DNAH6: variants seen among roughly 807,000 people sequenced by gnomAD.
DNAH6 encodes the protein axonemal beta dynein heavy chain 6.
DNAH6 carries 340 observed loss-of-function variants against 491.4 expected under a neutral mutation model. The ratio of observed to expected loss-of-function variants is 0.69; its 90% CI spans 0.63 to 0.76. DNAH6 has a LOEUF of 0.76. Among genes scored for constraint, DNAH6 ranks in the 30% least tolerant of loss-of-function variants. DNAH6 has a pLI of 0.00. For missense variants in DNAH6, 4,443 were observed against 4,972.2 expected, an observed-to-expected ratio of 0.89 and a Z score of 3.20; for synonymous variants, 1,603 against 1,686.1, an observed-to-expected ratio of 0.95 and a Z score of 1.21.
chr2:84,474,696 G>A, the DNAH6 span, among the ~76,000 whole-genome samples: 2 of 152,114 alleles, frequency 1.3e-5, no homozygotes, highest in South Asian at 2.1e-4. Flanking sequence ...GTGACCATCC[G>A]ACCCTTGACA....
intron 4 of DNAH6, among the ~76,000 whole-genome samples, chr2:84,542,798 G>A (rs538460539): frequency 3.7e-4 from 56 of 152,144 alleles, no homozygotes; most frequent in South Asian, 8.3e-4. Flanking sequence ...AAAACTTATC[G>A]TACATATATA....
intron 9 of DNAH6, among the ~76,000 whole-genome samples, chr2:84,550,982 AAGAT>A (rs1195065290): frequency 1.3e-5 from 2 of 152,188 alleles, no homozygotes; most frequent in African/African-American, 4.8e-5. Context: ...AGCTAAAAGA[AAGAT>A]CATATTATCT....
At chr2:84,588,595 T>G (rs1683790645) in intron 15 of DNAH6, among the ~76,000 whole-genome samples, 1 of 152,248 alleles carries the variant, frequency 6.6e-6, no homozygotes, top group South Asian at 2.1e-4. Flanking sequence ...ATATATTAGA[T>G]AATGTTTTAA....
At position 84,719,885 on chromosome 2, in the gene DNAH6, CACACACACACACAG is replaced by C. The variant is rs1055368321; in HGVS notation, c.9792+1515_9792+1528del. On this transcript the variant is annotated intron_variant, in intron 59 of 76. Transcript: ENST00000389394. ...TGTACCTCTAACACACACACACACA[CACACACACACACAG>C]ACACACACACACAAACACACACACC... Among the ~76,000 whole-genome samples, 9 of 140,956 alleles carry C rather than the reference CACACACACACACAG, an allele frequency of 6.4e-5. No homozygotes were observed. In the South Asian group the frequency reaches 1.8e-3, roughly 29 times the overall value. The allele number at this position is 140,956 out of a possible 152,430, so 92.5% of individuals were successfully genotyped here.
At chr2:84,683,619 C>T (rs1418314535) in intron 42 of DNAH6, among the ~76,000 whole-genome samples, 3 of 151,808 alleles carry the variant, frequency 2.0e-5, no homozygotes, top group Admixed American at 6.6e-5. Context: ...GACCGGGTTT[C>T]GCCATGTTGG....
intron 62 of DNAH6, among the ~76,000 whole-genome samples, chr2:84,733,930 C>G (rs952694502): frequency 4.9e-4 from 74 of 151,238 alleles, no homozygotes; most frequent in African/African-American, 1.7e-3. Flanking sequence ...ATGGACAAAT[C>G]AAAATTATAG....
At chr2:84,813,411 A>G (rs1329099211) in intron 74 of DNAH6, among the ~76,000 whole-genome samples, 3 of 152,162 alleles carry the variant, frequency 2.0e-5, no homozygotes, top group East Asian at 3.9e-4. Context: ...TCAGTTCCCC[A>G]TATGACCCAC....
At chr2:84,700,069 A>G (rs1407827549) in intron 48 of DNAH6, among the ~76,000 whole-genome samples, 4 of 152,198 alleles carry the variant, frequency 2.6e-5, no homozygotes, top group Non-Finnish European at 5.9e-5. Context: ...CCCCAAAGGA[A>G]AGCAGAGAGA....
intron 70 of DNAH6, among the ~76,000 whole-genome samples, chr2:84,802,293 G>A (rs1192389): frequency 3.3e-5 from 5 of 151,952 alleles, no homozygotes; most frequent in South Asian, 2.1e-4. Flanking sequence ...AAGACCCATC[G>A]TTCTGCTGTC....
intron 22 of DNAH6, among the ~76,000 whole-genome samples, chr2:84,612,083 G>C (rs1686400164): frequency 6.6e-6 from 1 of 151,990 alleles, no homozygotes; most frequent in African/African-American, 2.4e-5. Context: ...AGCTTAGTTT[G>C]TAGTTTCGGA....
the DNAH6 span, among the ~76,000 whole-genome samples, chr2:84,461,548 A>G: frequency 6.6e-6 from 1 of 152,246 alleles, no homozygotes; most frequent in Non-Finnish European, 1.5e-5. Flanking sequence ...CACTGGCTAC[A>G]TGACCTCTGG....
chr2:84,634,636 G>T lies in DNAH6; in HGVS notation c.4648G>T (p.Ala1550Ser). The change falls in exon 30 of 77, where the codon GCA (alanine) becomes TCA (serine). Residue 1550 changes from alanine to serine, a missense_variant. Physicochemically the swap from Ala to Ser is moderately conservative, Grantham distance 99. This residue lies in a region of DNAH6 where 2,977 missense variants were observed against 3,296.6 expected (regional missense o/e 0.90). Coordinates refer to ENST00000389394, the MANE Select transcript of DNAH6 (RefSeq NM_001370.2). Reference sequence around the variant, plus strand: ...CATTACCATTAGGAACGCCAAAGCGGCAAAGGTAAGGCACTGGGCAATCGA... The same window carrying T: ...CATTACCATTAGGAACGCCAAAGCGTCAAAGGTAAGGCACTGGGCAATCGA... ...QLITIRNAKA[A>S]KLSRFMFEGR... The T allele has an allele frequency of 2.6e-6, 4 of 1,533,960 alleles. No homozygotes were observed. The highest frequency in any genetic ancestry group is 3.5e-6 in the Non-Finnish European group (4 of 1,140,516).
At chr2:84,577,621 G>T (rs976885384) in intron 13 of DNAH6, among the ~76,000 whole-genome samples, 1 of 152,052 alleles carries the variant, frequency 6.6e-6, no homozygotes, top group African/African-American at 2.4e-5. Flanking sequence ...GGGACTGCAG[G>T]CCTCACACTG....
intron 46 of DNAH6, among the ~76,000 whole-genome samples, chr2:84,696,647 G>A (rs189403104): frequency 5.9e-4 from 90 of 152,008 alleles, no homozygotes; most frequent in Admixed American, 3.0e-3. Context: ...AGTTCATTAA[G>A]AAAAACAAAA....
At chr2:84,810,758 C>G (rs773935031) in intron 72 of DNAH6, among the ~76,000 whole-genome samples, 2 of 152,218 alleles carry the variant, frequency 1.3e-5, no homozygotes, top group Non-Finnish European at 2.9e-5. Context: ...TGGGATAGGA[C>G]AGGTCCTAGG....
intron 29 of DNAH6, among the ~76,000 whole-genome samples, chr2:84,628,354 C>T (rs1457273534): frequency 6.6e-6 from 1 of 152,086 alleles, no homozygotes; most frequent in African/African-American, 2.4e-5. Flanking sequence ...CTGACCAGTC[C>T]CCTTTTCCTG....
chr2:84,665,642 C>T (rs1370537454), intron 37 of DNAH6, among the ~76,000 whole-genome samples: 11 of 152,074 alleles, frequency 7.2e-5, no homozygotes, highest in East Asian at 1.9e-4. Context: ...CAGGACCAGA[C>T]GGATTCACAG....
Position 84,634,643 on chromosome 2 carries a change from T to C in DNAH6, c.4653+2T>C, listed in dbSNP as rs1432720818. The C allele has an allele frequency of 6.5e-7, 1 of 1,528,890 alleles. No individual in the cohort carries two copies. The highest frequency in any genetic ancestry group is 2.2e-5 in the Admixed American group (1 of 46,440). 94.7% of individuals were successfully genotyped at this position (1,528,890 alleles called of 1,614,324 possible). A position where few individuals can be genotyped will look rare whatever the true frequency, so the allele number is the denominator to read the frequency against. ...ATTAGGAACGCCAAAGCGGCAAAGG[T>C]AAGGCACTGGGCAATCGACTTTCAA... On this transcript the variant is annotated splice_donor_variant, in intron 30 of 76. Coordinates refer to ENST00000389394, the MANE Select transcript of DNAH6 (RefSeq NM_001370.2). LOFTEE classifies it high-confidence loss of function.
At position 84,624,603 on chromosome 2, in the gene DNAH6, G is replaced by A. The variant is rs1267694615; in HGVS notation, c.4336G>A (p.Val1446Ile). ...ATATTTGGGTGCATGCCCAAGATTGGTTATTACTCCACTCACAGTAAGTTA... is the reference window on the plus strand; with the variant it reads ...ATATTTGGGTGCATGCCCAAGATTGATTATTACTCCACTCACAGTAAGTTA... ...YEYLGACPRL[V>I]ITPLTDRCYL... Residue 1446 changes from valine (V) to isoleucine (I), a missense_variant, in exon 28 of 77, where the codon GTT becomes ATT. Coordinates refer to ENST00000389394, the MANE Select transcript of DNAH6 (RefSeq NM_001370.2). The A allele has an allele frequency of 2.6e-6, 4 of 1,551,354 alleles. No homozygotes were observed. The highest frequency in any genetic ancestry group is 3.5e-6 in the Non-Finnish European group (4 of 1,146,894).
Sources: allele counts gnomAD v4.1 joint callset (sites outside exome capture counted in the v4.1 genomes callset), GRCh38; gene constraint gnomAD v4.1.1; regional missense constraint gnomAD v4.1.1; transcripts MANE v1.5; gene names NCBI Gene and HGNC (gene_info 2026-07-23, HGNC 2026-07-21).